The following LIPJ variants were observed in gnomAD, a reference collection of about 807,000 sequenced individuals.
LIPJ encodes lipase member J.
LIPJ carries 33 observed loss-of-function variants against 39.8 expected under a neutral mutation model. The ratio of observed to expected loss-of-function variants is 0.83; its 90% CI spans 0.63 to 1.11. The LOEUF is 1.11. Among genes scored for constraint, LIPJ ranks in the 50% least tolerant of loss-of-function variants. The pLI is 0.00. For synonymous variants in LIPJ, 128 were observed against 139.2 expected, an observed-to-expected ratio of 0.92 and a Z score of 0.57; for missense variants, 422 against 427.9, an observed-to-expected ratio of 0.99 and a Z score of 0.12.
chr10:88,607,044 AG>A, downstream of LIPJ: 4 of 880,996 alleles, frequency 4.5e-6, no homozygotes, highest in Non-Finnish European at 6.1e-6. Flanking sequence ...CATTGACCTT[AG>A]GCCCTCCAGT....
intron 2 of LIPJ, 39 bp from the exon 3 acceptor site, chr10:88,590,546 G>A (rs1181886004): frequency 6.4e-6 from 4 of 620,538 alleles, no homozygotes; most frequent in East Asian, 3.0e-5. Context: ...ATTATTTGCT[G>A]CAATTTTAAC....
At chr10:88,619,453 C>CCACACACA in the LIPJ span, among the ~76,000 whole-genome samples, 113 of 147,044 alleles carry the variant, frequency 7.7e-4, no homozygotes, top group African/African-American at 2.5e-3. Context: ...CCCCCTCTTG[C>CCACACACA]CACACACACA....
At chr10:88,606,640 T>C (rs767840305) in intron 10 of LIPJ, 34 bp from the exon 11 acceptor site, 1 of 1,304,938 alleles carries the variant, frequency 7.7e-7, no homozygotes, top group Non-Finnish European at 1.1e-6. Flanking sequence ...TATCATCTCC[T>C]ATGAAAACTA....
At chr10:88,597,250 T>C (rs1463841306) in intron 8 of LIPJ, among the ~76,000 whole-genome samples, 1 of 151,818 alleles carries the variant, frequency 6.6e-6, no homozygotes, top group African/African-American at 2.4e-5. Flanking sequence ...TAGGTCCTCT[T>C]CTATTCATTT....
downstream of LIPJ, among the ~76,000 whole-genome samples, chr10:88,607,440 G>A (rs967187546): frequency 8.5e-5 from 13 of 152,250 alleles, no homozygotes; most frequent in African/African-American, 2.6e-4. Flanking sequence ...CATAGAAACC[G>A]TAGAGGGGCT....
chr10:88,601,767 T>G (rs1266900148), intron 8 of LIPJ, among the ~76,000 whole-genome samples: 1 of 152,238 alleles, frequency 6.6e-6, no homozygotes, highest in Non-Finnish European at 1.5e-5. Context: ...TCATTTTTGC[T>G]TGTTCTTACA....
intron 7 of LIPJ, among the ~76,000 whole-genome samples, 159 bp downstream of exon 7, chr10:88,596,575 C>T (rs1172198649): frequency 1.3e-5 from 2 of 151,684 alleles, no homozygotes; most frequent in Non-Finnish European, 3.0e-5. Context: ...CAAAGGAATA[C>T]AATTTTACTT....
chr10:88,601,292 C>A (rs1264336076), intron 8 of LIPJ, among the ~76,000 whole-genome samples: 2 of 152,144 alleles, frequency 1.3e-5, no homozygotes, highest in Non-Finnish European at 2.9e-5. Context: ...TCCCACCTAA[C>A]ACCACCACAA....
chr10:88,620,808 A>G, the LIPJ span, among the ~76,000 whole-genome samples: 1 of 152,196 alleles, frequency 6.6e-6, no homozygotes. Flanking sequence ...AAGATACTAT[A>G]AACTGAGTGG....
At chr10:88,605,217 G>C (rs1051706777) in intron 9 of LIPJ, among the ~76,000 whole-genome samples, 1 of 152,152 alleles carries the variant, frequency 6.6e-6, no homozygotes. Context: ...AAAGAAAAAA[G>C]TGACTTCTGG....
chr10:88,609,378 G>A (rs553222071), downstream of LIPJ, among the ~76,000 whole-genome samples: 3 of 152,204 alleles, frequency 2.0e-5, no homozygotes, highest in African/African-American at 4.8e-5. Context: ...AAAGAGCTCC[G>A]GAATGTTAAT....
At chr10:88,608,365 T>C (rs1851711163), downstream of LIPJ, among the ~76,000 whole-genome samples, 1 of 152,226 alleles carries the variant, frequency 6.6e-6, no homozygotes, top group Non-Finnish European at 1.5e-5. Flanking sequence ...CCAGGAAATA[T>C]ATGGGAAATC....
At chr10:88,588,839 C>T (rs1005918435) in intron 2 of LIPJ, among the ~76,000 whole-genome samples, 1 of 151,888 alleles carries the variant, frequency 6.6e-6, no homozygotes, top group African/African-American at 2.4e-5. Flanking sequence ...TGAACTTTTT[C>T]ACTAGTTGCT....
upstream of LIPJ, chr10:88,582,934 T>G (rs1196913037): frequency 5.2e-6 from 5 of 965,304 alleles, no homozygotes; most frequent in South Asian, 6.2e-5. Context: ...ACTCGGCGCA[T>G]GGGCCGCGCT....
chr10:88,622,612 T>G, the LIPJ span, among the ~76,000 whole-genome samples: 1 of 152,138 alleles, frequency 6.6e-6, no homozygotes, highest in African/African-American at 2.4e-5. Context: ...TTGAAAAGGC[T>G]TAAGTGGGAC....
downstream of LIPJ, among the ~76,000 whole-genome samples, chr10:88,611,901 C>T (rs991607989): frequency 5.9e-5 from 9 of 152,096 alleles, no homozygotes; most frequent in Non-Finnish European, 1.3e-4. Flanking sequence ...CATCCAAATA[C>T]AAGAAGGTCA....
the LIPJ span, among the ~76,000 whole-genome samples, chr10:88,615,981 G>A: frequency 1.3e-5 from 2 of 152,208 alleles, no homozygotes; most frequent in African/African-American, 2.4e-5. Context: ...GGAAGCCAAG[G>A]TGGGAGGATC....
exon 7 of LIPJ, chr10:88,596,358 C>T: frequency 6.4e-7 from 1 of 1,563,842 alleles, no homozygotes; most frequent in Non-Finnish European, 8.7e-7. Flanking sequence ...GTTTTTTCCA[C>T]AAAGTACTTA....
At chr10:88,610,733 T>C (rs1851738693), downstream of LIPJ, among the ~76,000 whole-genome samples, 1 of 152,192 alleles carries the variant, frequency 6.6e-6, no homozygotes, top group Non-Finnish European at 1.5e-5. Context: ...AGACCACACC[T>C]ATGTAGTCAG....
Sources: gnomAD v4.1 joint callset for allele counts (sites outside exome capture counted in the v4.1 genomes callset) on GRCh38, gnomAD v4.1.1 for gene constraint, MANE v1.5 for transcripts, NCBI Gene and HGNC (gene_info 2026-07-23, HGNC 2026-07-21) for gene names.